The following SEPTIN2 variants were observed in gnomAD, a reference collection of about 807,000 sequenced individuals.
SEPTIN2 encodes the protein septin 2.
A neutral mutation model predicts 46.5 loss-of-function variants in SEPTIN2; 34 were observed. The ratio of observed to expected loss-of-function variants is 0.73; its 90% confidence interval spans 0.56 to 0.97. The LOEUF is 0.97. Ranked by LOEUF, SEPTIN2 falls within the 50% of genes least tolerant of loss-of-function variation. SEPTIN2 has a pLI of 0.00. For missense variants in SEPTIN2, 347 were observed against 448.4 expected, an observed-to-expected ratio of 0.77 and a Z score of 2.04; for synonymous variants, 175 against 153.4, an observed-to-expected ratio of 1.14 and a Z score of -1.04.
chr2:241,344,228 C>T (rs1022122852), intron 9 of SEPTIN2, among the ~76,000 whole-genome samples: 1 of 152,114 alleles, frequency 6.6e-6, no homozygotes, highest in Admixed American at 6.5e-5. Context: ...GTCCCCAGTG[C>T]TGGTAAGGAA....
intron 1 of SEPTIN2, among the ~76,000 whole-genome samples, chr2:241,322,704 C>T (rs1164738511): frequency 6.6e-6 from 1 of 152,118 alleles, no homozygotes; most frequent in African/African-American, 2.4e-5. Context: ...TATTTCCTTT[C>T]CTCATAAATG....
intron 9 of SEPTIN2, among the ~76,000 whole-genome samples, chr2:241,345,794 C>T (rs1241403674): frequency 6.6e-6 from 1 of 152,098 alleles, no homozygotes; most frequent in Admixed American, 6.5e-5. Context: ...TTACATTTTC[C>T]GTAAGTCCTT....
At position 241,343,773 on chromosome 2, in the gene SEPTIN2, G is replaced by T; in HGVS notation, c.718G>T (p.Val240Phe). The change falls in exon 9 of 13, where the codon GTT becomes TTT. Residue 240 changes from valine to phenylalanine, a missense_variant. Physicochemically the swap from Val to Phe is conservative, Grantham distance 50. Coordinates refer to ENST00000391971, the MANE Select transcript of SEPTIN2 (RefSeq NM_004404.5). ...CTAGGCTAGCATCCCATTCTCTGTG[G>T]TTGGATCCAATCAGTTGATTGAAGC... ...LLKASIPFSV[V>F]GSNQLIEAKG... is the part of the protein sequence containing the mutation. 1 of 1,614,170 alleles carries T rather than the reference G, an allele frequency of 6.2e-7. No homozygotes were observed. The highest frequency in any genetic ancestry group is 1.3e-5 in the African/African-American group (1 of 75,046).
intron 3 of SEPTIN2, among the ~76,000 whole-genome samples, chr2:241,334,763 A>G (rs535277241): frequency 2.1e-4 from 32 of 152,350 alleles, no homozygotes; most frequent in African/African-American, 7.7e-4. Flanking sequence ...TGACTAGCAG[A>G]ACTGATAATT....
upstream of SEPTIN2, chr2:241,315,881 T>TGGGCGGGGCG (rs1206332727): frequency 3.3e-5 from 3 of 91,244 alleles, no homozygotes; most frequent in Admixed American, 9.7e-5. Context: ...GCCTGCGCGC[T>TGGGCGGGGCG]GGGCGGGGCG....
intron 3 of SEPTIN2, among the ~76,000 whole-genome samples, chr2:241,333,955 A>G (rs993859561): frequency 3.9e-5 from 6 of 152,136 alleles, no homozygotes; most frequent in Non-Finnish European, 5.9e-5. Context: ...GGCTCAAGCA[A>G]TCCTTCTGCC....
chr2:241,331,466 G>A (rs1186590101), intron 3 of SEPTIN2, among the ~76,000 whole-genome samples: 1 of 152,074 alleles, frequency 6.6e-6, no homozygotes, highest in Non-Finnish European at 1.5e-5. Context: ...GTATGATTTT[G>A]GCAACCTCCA....
intron 1 of SEPTIN2, chr2:241,316,610 C>A: frequency 7.6e-7 from 1 of 1,319,006 alleles, no homozygotes; most frequent in South Asian, 1.5e-5. Context: ...CGAGTTGGCC[C>A]GGGGATGAGG....
chr2:241,321,573 GT>G (rs1001941458), intron 1 of SEPTIN2, among the ~76,000 whole-genome samples: 6 of 146,066 alleles, frequency 4.1e-5, no homozygotes, highest in Admixed American at 1.4e-4. Flanking sequence ...TGTTGTTTTT[GT>G]TTTTTTTTTC....
chr2:241,347,830 G>A (rs573695461), intron 10 of SEPTIN2, among the ~76,000 whole-genome samples: 3 of 152,152 alleles, frequency 2.0e-5, no homozygotes, highest in South Asian at 2.1e-4. Context: ...CCTGGCCAAC[G>A]TGGCAAAACC....
At chr2:241,325,356 A>G (rs544606155) in intron 2 of SEPTIN2, 1 of 152,150 alleles carries the variant, frequency 6.6e-6, no homozygotes, top group South Asian at 2.1e-4. Context: ...AGGAATATTG[A>G]TGCTTCAGTG....
At chr2:241,340,559 A>G (rs1240368169) in intron 7 of SEPTIN2, among the ~76,000 whole-genome samples, 1 of 152,204 alleles carries the variant, frequency 6.6e-6, no homozygotes. Context: ...ATGCTAATAA[A>G]TACTTTAGTA....
intron 10 of SEPTIN2, 124 bp from the exon 11 acceptor site, chr2:241,348,010 A>G: frequency 1.4e-6 from 1 of 701,634 alleles, no homozygotes; most frequent in Non-Finnish European, 2.4e-6. Flanking sequence ...GTGAGACACC[A>G]TCTCAATATA....
intron 3 of SEPTIN2, among the ~76,000 whole-genome samples, chr2:241,328,287 C>T (rs1024638244): frequency 2.6e-5 from 4 of 151,880 alleles, no homozygotes; most frequent in African/African-American, 9.7e-5. Flanking sequence ...ATACAAAAAC[C>T]TGGGCGTGGT....
intron 7 of SEPTIN2, among the ~76,000 whole-genome samples, chr2:241,342,169 C>G (rs566785459): frequency 2.0e-4 from 30 of 152,294 alleles, no homozygotes; most frequent in South Asian, 4.1e-4. Flanking sequence ...TAGATTCCAA[C>G]CTTTTGAATT....
intron 10 of SEPTIN2, 38 bp downstream of exon 10, chr2:241,346,287 C>G: frequency 6.6e-7 from 1 of 1,510,338 alleles, no homozygotes; most frequent in Non-Finnish European, 9.2e-7. Context: ...ATTGTGTCAC[C>G]CTGAGCCACA....
intron 1 of SEPTIN2, among the ~76,000 whole-genome samples, chr2:241,322,214 T>G (rs2149848806): frequency 6.6e-6 from 1 of 152,260 alleles, no homozygotes; most frequent in South Asian, 2.1e-4. Flanking sequence ...GGAACCAAAT[T>G]TGACAGCAGT....
At chr2:241,341,062 T>C (rs552112884) in intron 7 of SEPTIN2, among the ~76,000 whole-genome samples, 1 of 152,320 alleles carries the variant, frequency 6.6e-6, no homozygotes, top group African/African-American at 2.4e-5. Flanking sequence ...TTCTGAAACT[T>C]CCCTTCCTTG....
At chr2:241,330,492 C>T (rs1559616938) in intron 3 of SEPTIN2, among the ~76,000 whole-genome samples, 3 of 152,234 alleles carry the variant, frequency 2.0e-5, no homozygotes, top group Middle Eastern at 3.4e-3. Flanking sequence ...CATAACACTA[C>T]GTGTAAATGG....
Sources: gnomAD v4.1 joint callset for allele counts (sites outside exome capture counted in the v4.1 genomes callset) on GRCh38, gnomAD v4.1.1 for gene constraint, MANE v1.5 for transcripts, NCBI Gene and HGNC (gene_info 2026-07-23, HGNC 2026-07-21) for gene names.